HSD17B12: variants seen among roughly 807,000 people sequenced by gnomAD.
HSD17B12 encodes hydroxysteroid 17-beta dehydrogenase 12.
HSD17B12 carries 32 observed loss-of-function variants against 39.3 expected under a neutral mutation model. The observed-to-expected ratio is 0.81, with a 90% CI of 0.61 to 1.09. The LOEUF is 1.09. HSD17B12 is among the 50% of genes least tolerant of loss of function. The pLI is 0.00. For missense variants in HSD17B12, 342 were observed against 382.9 expected (o/e 0.89, Z 0.89); for synonymous variants, 150 against 146.7 (o/e 1.02, Z -0.16).
At chr11:43,641,119 GCTTAT>G in the HSD17B12 span, 11 of 151,774 alleles carry the variant, frequency 7.2e-5, no homozygotes, top group Admixed American at 6.5e-4. Flanking sequence ...CTAAAACTTT[GCTTAT>G]CTTAACTGAT....
At chr11:43,586,870 C>T in the HSD17B12 span, among the ~76,000 whole-genome samples, 2 of 152,302 alleles carry the variant, frequency 1.3e-5, no homozygotes, top group Admixed American at 6.5e-5. Flanking sequence ...ACAGTCTCTC[C>T]CTGCTCTTTG....
At chr11:43,567,372 G>A in the HSD17B12 span, among the ~76,000 whole-genome samples, 1 of 152,050 alleles carries the variant, frequency 6.6e-6, no homozygotes, top group Admixed American at 6.5e-5. Context: ...GTTGAACCTC[G>A]GCATGGGACT....
intron 6 of HSD17B12, among the ~76,000 whole-genome samples, chr11:43,817,424 G>A (rs1460458051): frequency 6.6e-6 from 1 of 152,084 alleles, no homozygotes. Context: ...CCTTGCCTAA[G>A]CCAATGTTTA....
At chr11:43,619,876 G>A in the HSD17B12 span, among the ~76,000 whole-genome samples, 1 of 152,180 alleles carries the variant, frequency 6.6e-6, no homozygotes, top group Non-Finnish European at 1.5e-5. Flanking sequence ...TTTTTTCTCA[G>A]CCTTTATTTG....
chr11:43,756,153 TG>T (rs1290171900), intron 3 of HSD17B12, among the ~76,000 whole-genome samples: 2 of 152,010 alleles, frequency 1.3e-5, no homozygotes, highest in African/African-American at 2.4e-5. Flanking sequence ...GAGATTTGGA[TG>T]GGGACACAGC....
chr11:43,590,700 C>A, the HSD17B12 span, among the ~76,000 whole-genome samples: 1 of 150,276 alleles, frequency 6.7e-6, no homozygotes, highest in Non-Finnish European at 1.5e-5. Context: ...TTAGTAGAGA[C>A]GAGGTTTCAC....
the HSD17B12 span, among the ~76,000 whole-genome samples, chr11:43,666,553 A>C: frequency 2.0e-5 from 3 of 152,156 alleles, no homozygotes; most frequent in Non-Finnish European, 4.4e-5. Flanking sequence ...CATGTTGCCT[A>C]GGCTGGTCTC....
the HSD17B12 span, among the ~76,000 whole-genome samples, chr11:43,637,200 G>A: frequency 4.0e-5 from 6 of 150,242 alleles, no homozygotes; most frequent in Non-Finnish European, 7.4e-5. Context: ...CTGGATAAGT[G>A]GACACTGGTG....
the HSD17B12 span, among the ~76,000 whole-genome samples, chr11:43,621,203 T>A: frequency 6.6e-6 from 1 of 152,258 alleles, no homozygotes; most frequent in Non-Finnish European, 1.5e-5. Flanking sequence ...TTTTCCTAGT[T>A]CCCATAGTAC....
chr11:43,680,430 C>T (rs1949729973), upstream of HSD17B12: 5 of 230,994 alleles, frequency 2.2e-5, no homozygotes, highest in South Asian at 2.3e-4. Context: ...ATCCCATTTC[C>T]TCTTCGAACC....
chr11:43,758,090 G>A (rs1324448333), intron 3 of HSD17B12, among the ~76,000 whole-genome samples: 1 of 152,190 alleles, frequency 6.6e-6, no homozygotes, highest in Non-Finnish European at 1.5e-5. Context: ...CAAGTTCCAA[G>A]TTTCAGTCAG....
the HSD17B12 span, among the ~76,000 whole-genome samples, chr11:43,584,059 G>A: frequency 6.6e-6 from 1 of 152,322 alleles, no homozygotes; most frequent in East Asian, 1.9e-4. Flanking sequence ...GCTGGGCCAG[G>A]CAAAGCAGTT....
chr11:43,687,360 C>T (rs1949810984), intron 1 of HSD17B12, among the ~76,000 whole-genome samples: 1 of 152,124 alleles, frequency 6.6e-6, no homozygotes, highest in South Asian at 2.1e-4. Flanking sequence ...TAACTATAGA[C>T]CTTATAATAG....
chr11:43,855,107 G>T lies in HSD17B12; in HGVS notation c.835-37G>T, dbSNP rs139891328. 8 of 1,382,104 alleles carry T rather than the reference G, an allele frequency of 5.8e-6. No homozygotes were observed. The East Asian group carries it at 1.6e-4, about 28-fold the overall frequency. The allele number at this position is 1,382,104 out of a possible 1,614,324, so 85.6% of individuals were successfully genotyped here. ...TGCTTCAATTTAGCCCAAATTGTAG[G>T]CTATAATTACATATCTCTCTCATTC... On this transcript the variant is annotated intron_variant, in intron 10 of 10. Transcript: ENST00000278353.
intron 1 of HSD17B12, among the ~76,000 whole-genome samples, chr11:43,738,174 G>A (rs948141509): frequency 5.3e-5 from 8 of 150,800 alleles, no homozygotes; most frequent in African/African-American, 1.7e-4. Flanking sequence ...TATGAGTGAA[G>A]TAGTTCTCTC....
chr11:43,706,708 G>GTGTGTGTT (rs1950018912), intron 1 of HSD17B12, among the ~76,000 whole-genome samples: 1 of 151,158 alleles, frequency 6.6e-6, no homozygotes, highest in African/African-American at 2.5e-5. Context: ...GTGTGTGTGT[G>GTGTGTGTT]TGTGTGTGTG....
chr11:43,566,819 C>T, the HSD17B12 span, among the ~76,000 whole-genome samples: 4 of 152,328 alleles, frequency 2.6e-5, no homozygotes, highest in Admixed American at 6.5e-5. Context: ...TGAGCCACCA[C>T]GCCCAGCCCC....
At chr11:43,778,269 C>A (rs1367691916) in intron 3 of HSD17B12, among the ~76,000 whole-genome samples, 1 of 152,322 alleles carries the variant, frequency 6.6e-6, no homozygotes, top group East Asian at 1.9e-4. Flanking sequence ...CATACACTCT[C>A]CCAAGACTAA....
In HSD17B12 at chr11:43,811,025, C is replaced by T. The variant is rs376089295; in HGVS notation, c.392-4412C>T. Among the ~76,000 whole-genome samples the T allele has an allele frequency of 8.6e-4, 131 of 152,242 alleles. 5 individuals carry two copies. In the South Asian group the frequency reaches 0.025, roughly 29 times the overall value. On this transcript the variant is annotated intron_variant, in intron 4 of 10. Transcript: ENST00000278353. The stretch of plus-strand genomic sequence containing the variant: ...CCTGTAATATGTAAAGATGGCATTG[C>T]GTGCACCCATTCTTAATGAGATTAT...
Sources: gnomAD v4.1 joint callset for allele counts (sites outside exome capture counted in the v4.1 genomes callset) on GRCh38, gnomAD v4.1.1 for gene constraint, MANE v1.5 for transcripts, NCBI Gene and HGNC (gene_info 2026-07-23, HGNC 2026-07-21) for gene names.